The following ABHD5 variants were observed in gnomAD, a reference collection of about 807,000 sequenced individuals.
ABHD5 encodes the protein 1-acylglycerol-3-phosphate O-acyltransferase ABHD5.
A neutral mutation model predicts 44.9 loss-of-function variants in ABHD5; 30 were observed. That is an observed-to-expected ratio of 0.67 (90% CI 0.50 to 0.91). The LOEUF is 0.91. Among genes scored for constraint, ABHD5 ranks in the 40% least tolerant of loss-of-function variants. ABHD5 has a pLI of 0.00. For synonymous variants in ABHD5, 167 were observed against 147.0 expected (o/e 1.14, Z -0.99); for missense variants, 399 against 423.4 (o/e 0.94, Z 0.50).
At chr3:43,706,087 C>A (rs1559413889) in intron 3 of ABHD5, among the ~76,000 whole-genome samples, 1 of 152,132 alleles carries the variant, frequency 6.6e-6, no homozygotes, top group Non-Finnish European at 1.5e-5. Context: ...AGTTGGCATT[C>A]CCACTAAGCA....
chr3:43,724,562 A>T (rs552095884), downstream of ABHD5, among the ~76,000 whole-genome samples: 200 of 152,300 alleles, frequency 1.3e-3, 1 homozygote, highest in African/African-American at 4.7e-3. Flanking sequence ...CAAACACATA[A>T]CTGATTAAAT....
chr3:43,713,435 T>G (rs2084715424), intron 4 of ABHD5, among the ~76,000 whole-genome samples: 1 of 151,908 alleles, frequency 6.6e-6, no homozygotes. Context: ...TTAACTGTCA[T>G]GCAGGTGACT....
rs527728901 is a variant in ABHD5, at chr3:43,699,294, T to C, written c.66T>C (p.Gly22=). The change falls in exon 2 of 7, where the codon GGT becomes GGC. Residue 22 remains glycine (G), a synonymous_variant. Transcript: ENST00000644371. ...GCTCTAGGTCAGGATGGCTAACTGG[T>C]TGGCTCCCCACATGGTGCCCTACGT... The part of the protein sequence containing the change: ...DTGERSGWLT[G]WLPTWCPTSI... 304 of 1,614,066 alleles carry C rather than the reference T, an allele frequency of 1.9e-4. No homozygotes were observed. In the South Asian group the frequency reaches 3.0e-3, roughly 16 times the overall value.
At chr3:43,692,222 G>A in intron 1 of ABHD5, among the ~76,000 whole-genome samples, 1 of 152,166 alleles carries the variant, frequency 6.6e-6, no homozygotes. Flanking sequence ...AAGATGTCAT[G>A]GGGAAAAATT....
rs387906336 is a variant in ABHD5, at chr3:43,691,032, GGA to G, written c.46_47del (p.Arg16ValfsTer20). On this transcript the variant is annotated frameshift_variant, in exon 1 of 7. Coordinates refer to ENST00000644371, the MANE Select transcript of ABHD5 (RefSeq NM_016006.6). LOFTEE classifies it high-confidence loss of function. The part of the protein sequence containing the change: ...EEEEVDSADT[G>X]ERSGWLTGWL... ...GGAGGAGGTGGACTCTGCCGACACC[GGA>G]GAGAGGTAAGCGCAGCCGGCAGGGG... 3 of 1,560,480 alleles carry G rather than the reference GGA, an allele frequency of 1.9e-6. No homozygotes were observed. The highest frequency in any genetic ancestry group is 2.6e-6 in the Non-Finnish European group (3 of 1,155,558).
exon 8 of ABHD5, chr3:43,734,250 TG>T (rs1697298825): frequency 6.6e-6 from 1 of 152,178 alleles, no homozygotes; most frequent in South Asian, 2.1e-4. Context: ...GACTGACACG[TG>T]GGTGCAGAAA....
rs896424838 is a variant in ABHD5, at chr3:43,718,686, A to C, written c.*154A>C. 23 of 729,708 alleles carry C rather than the reference A, an allele frequency of 3.2e-5. No individual in the cohort carries two copies. The highest frequency in any genetic ancestry group is 4.9e-5 in the Non-Finnish European group (20 of 409,872). The allele number at this position is 729,708 out of a possible 1,614,324, so 45.2% of individuals were successfully genotyped here. On this transcript the variant is annotated 3_prime_UTR_variant, in exon 7 of 7. Coordinates refer to ENST00000644371, the MANE Select transcript of ABHD5 (RefSeq NM_016006.6). The stretch of plus-strand genomic sequence containing the variant: ...GTTTTCTTTAGGAATTCACTCACAC[A>C]TTTAAACCAGTTAGTGCCTTCTAGA...
chr3:43,708,984 A>G (rs1453777494), intron 3 of ABHD5, among the ~76,000 whole-genome samples: 2 of 152,224 alleles, frequency 1.3e-5, no homozygotes, highest in East Asian at 1.9e-4. Context: ...GACCATCTAA[A>G]TGGATTTTGT....
intron 4 of ABHD5, among the ~76,000 whole-genome samples, chr3:43,714,094 C>T (rs777894195): frequency 2.8e-4 from 43 of 151,550 alleles, no homozygotes; most frequent in Non-Finnish European, 4.4e-4. Context: ...GTGGGCCTTG[C>T]CCTGGGCTTT....
chr3:43,723,872 G>T (rs989348914), downstream of ABHD5, among the ~76,000 whole-genome samples: 3 of 152,124 alleles, frequency 2.0e-5, no homozygotes, highest in Non-Finnish European at 2.9e-5. Context: ...TAATGGACTG[G>T]GTATCAGATG....
chr3:43,704,745 G>A (rs2084593944), intron 3 of ABHD5, among the ~76,000 whole-genome samples: 1 of 152,202 alleles, frequency 6.6e-6, no homozygotes, highest in African/African-American at 2.4e-5. Flanking sequence ...TAAAAACAAA[G>A]CTAGTGATTC....
At position 43,706,343 on chromosome 3, in the gene ABHD5, G is replaced by T. The variant is rs554097319; in HGVS notation, c.506+3756G>T. ...TTTCAGAAAGACTTTTGGTGGGCGT[G>T]GGGGGAGCGGTAAGAGGAGGGAAAA... On this transcript the variant is annotated intron_variant, in intron 3 of 6. Coordinates refer to ENST00000644371, the MANE Select transcript of ABHD5 (RefSeq NM_016006.6). Among the ~76,000 whole-genome samples, 14 of 152,198 alleles carry T rather than the reference G, an allele frequency of 9.2e-5. 1 individual carries two copies. The East Asian group carries it at 1.4e-3, about 15-fold the overall frequency.
chr3:43,715,427 T>G (rs1395153493), intron 5 of ABHD5, among the ~76,000 whole-genome samples: 1 of 152,204 alleles, frequency 6.6e-6, no homozygotes, highest in South Asian at 2.1e-4. Flanking sequence ...CCTCCCAAAA[T>G]GTTGGGATTA....
chr3:43,723,557 C>T (rs1490091329), downstream of ABHD5, among the ~76,000 whole-genome samples: 1 of 152,172 alleles, frequency 6.6e-6, no homozygotes, highest in Non-Finnish European at 1.5e-5. Context: ...ATAGCAACAA[C>T]CCAACACACC....
At chr3:43,725,033 G>A (rs1043034178), downstream of ABHD5, among the ~76,000 whole-genome samples, 4 of 152,218 alleles carry the variant, frequency 2.6e-5, no homozygotes, top group Non-Finnish European at 5.9e-5. Flanking sequence ...GTGTGGATGT[G>A]CAGATCCAGA....
chr3:43,734,330 C>G (rs1207773620), exon 8 of ABHD5: 1 of 152,040 alleles, frequency 6.6e-6, no homozygotes, highest in Non-Finnish European at 1.5e-5. Flanking sequence ...ACCTGTGGGA[C>G]TGGCTGAAGT....
chr3:43,698,472 G>A (rs2084500034), intron 1 of ABHD5, among the ~76,000 whole-genome samples: 1 of 152,178 alleles, frequency 6.6e-6, no homozygotes, highest in Non-Finnish European at 1.5e-5. Flanking sequence ...ATTATGTCAG[G>A]TTATTACAGT....
chr3:43,713,510 G>A (rs2149603515), intron 4 of ABHD5, among the ~76,000 whole-genome samples: 1 of 152,004 alleles, frequency 6.6e-6, no homozygotes, highest in South Asian at 2.1e-4. Flanking sequence ...GTTTGGATTG[G>A]GAGAGCAGTG....
intron 1 of ABHD5, chr3:43,691,285 A>T: frequency 2.8e-6 from 1 of 356,870 alleles, no homozygotes. Flanking sequence ...CCGCGCCGGG[A>T]GGCCGCCTTG....
Sources: gnomAD v4.1 joint callset for allele counts (sites outside exome capture counted in the v4.1 genomes callset) on GRCh38, gnomAD v4.1.1 for gene constraint, MANE v1.5 for transcripts, NCBI Gene and HGNC (gene_info 2026-07-23, HGNC 2026-07-21) for gene names.